The following UNC5D variants were observed in gnomAD, a reference collection of about 807,000 sequenced individuals.
The protein encoded by UNC5D is netrin receptor UNC5D.
UNC5D carries 39 observed loss-of-function variants against 105.4 expected under a neutral mutation model. The observed-to-expected ratio is 0.37, with a 90% CI of 0.29 to 0.48. UNC5D has a LOEUF of 0.48. Among genes scored for constraint, UNC5D ranks in the 20% least tolerant of loss-of-function variants. The probability of loss-of-function intolerance (pLI) is 0.98; values close to 1 mark genes in which losing one functional copy is unlikely to be tolerated. For synonymous variants in UNC5D, 452 were observed against 450.4 expected, an observed-to-expected ratio of 1.00 and a Z score of -0.04; for missense variants, 991 against 1,202.4, an observed-to-expected ratio of 0.82 and a Z score of 2.60.
Position 35,508,859 on chromosome 8 carries a change from T to A in UNC5D, c.104-40433T>A, listed in dbSNP as rs59261125. Among the ~76,000 whole-genome samples, 1,266 of 152,334 alleles carry A rather than the reference T, an allele frequency of 8.3e-3. 15 individuals are homozygous for A. Among genetic ancestry groups the A allele is most frequent in the African/African-American group, 0.028 (1,172 of 41,572 alleles). ...AGTCTAGAAATGAACTGGAGGTATTTGGCAGAATTCTAGCATCTTTAGAAA... is the reference window on the plus strand; with the variant it reads ...AGTCTAGAAATGAACTGGAGGTATTAGGCAGAATTCTAGCATCTTTAGAAA... On this transcript the variant is annotated intron_variant, in intron 1 of 16. Transcript: ENST00000404895.
intron 16 of UNC5D, among the ~76,000 whole-genome samples, chr8:35,789,585 G>A (rs541311294): frequency 1.3e-4 from 20 of 152,164 alleles, no homozygotes; most frequent in African/African-American, 2.2e-4. Context: ...GATGCATTGC[G>A]TTTGTGGAGC....
intron 1 of UNC5D, among the ~76,000 whole-genome samples, chr8:35,492,788 T>C (rs1029140664): frequency 6.6e-6 from 1 of 152,016 alleles, no homozygotes; most frequent in African/African-American, 2.4e-5. Context: ...AGTCTGTAAA[T>C]TGTTCTCTTA....
chr8:35,485,980 C>T (rs564866786), intron 1 of UNC5D, among the ~76,000 whole-genome samples: 111 of 152,206 alleles, frequency 7.3e-4, no homozygotes, highest in African/African-American at 2.3e-3. Flanking sequence ...CTGCAGCTTG[C>T]GGATCACATG....
chr8:35,628,363 A>C (rs964904778), intron 4 of UNC5D, among the ~76,000 whole-genome samples: 2 of 151,794 alleles, frequency 1.3e-5, no homozygotes, highest in Non-Finnish European at 2.9e-5. Flanking sequence ...TGAATTCCTT[A>C]CCTCAGGTGA....
At chr8:35,743,517 A>AT (rs1829863021) in intron 11 of UNC5D, among the ~76,000 whole-genome samples, 1 of 151,548 alleles carries the variant, frequency 6.6e-6, no homozygotes, top group Admixed American at 6.6e-5. Context: ...ACCTCGAGTG[A>AT]TCCCCCCCAC....
At chr8:35,684,442 G>A in intron 5 of UNC5D, 140 bp from the exon 6 acceptor site, 1 of 903,750 alleles carries the variant, frequency 1.1e-6, no homozygotes. Flanking sequence ...GTCTCATAAT[G>A]GAGCAGCCAG....
rs751967469 is a variant in UNC5D, at chr8:35,626,193, C to CT, written c.570+30551dup. Among the ~76,000 whole-genome samples the CT allele has an allele frequency of 7.5e-3, 1,032 of 137,170 alleles. 9 individuals are homozygous for CT. The highest frequency in any genetic ancestry group is 0.022 in the African/African-American group (822 of 37,408). The allele number at this position is 137,170 out of a possible 152,430, so 90.0% of individuals were successfully genotyped here. On this transcript the variant is annotated intron_variant, in intron 4 of 16. Coordinates refer to ENST00000404895, the MANE Select transcript of UNC5D (RefSeq NM_080872.4). ...ATTTCTCTCCCTGGGGCCACTCAGA[C>CT]TTTTTTTTTTTTTTTAAAGGTAAGG...
intron 1 of UNC5D, among the ~76,000 whole-genome samples, chr8:35,412,691 T>A (rs1805252365): frequency 6.6e-6 from 1 of 152,122 alleles, no homozygotes; most frequent in Non-Finnish European, 1.5e-5. Context: ...AGGAAGTTCT[T>A]ACCATGAGAT....
intron 1 of UNC5D, among the ~76,000 whole-genome samples, chr8:35,236,164 A>T (rs117394765): frequency 6.6e-6 from 1 of 151,950 alleles, no homozygotes; most frequent in South Asian, 2.1e-4. Context: ...GCCCTCCCCA[A>T]TTGCTGCAGA....
intron 9 of UNC5D, 127 bp from the exon 10 acceptor site, chr8:35,726,025 A>AAG: frequency 7.7e-7 from 1 of 1,305,428 alleles, no homozygotes; most frequent in Non-Finnish European, 1.0e-6. Flanking sequence ...GGTGGTCCTG[A>AAG]AGAGCTAGCT....
At chr8:35,725,199 A>ATTGT (rs1341559716) in intron 9 of UNC5D, among the ~76,000 whole-genome samples, 1 of 152,170 alleles carries the variant, frequency 6.6e-6, no homozygotes, top group African/African-American at 2.4e-5. Context: ...CCAAAGGAAA[A>ATTGT]TTGTTTAATA....
At chr8:35,353,795 G>A (rs1270283275) in intron 1 of UNC5D, among the ~76,000 whole-genome samples, 1 of 152,046 alleles carries the variant, frequency 6.6e-6, no homozygotes, top group Non-Finnish European at 1.5e-5. Context: ...TAGAAAAGGG[G>A]ACAGTTACAC....
intron 1 of UNC5D, among the ~76,000 whole-genome samples, chr8:35,275,998 TAGA>T (rs1805750448): frequency 6.6e-6 from 1 of 152,232 alleles, no homozygotes. Flanking sequence ...TGGGTAGAGA[TAGA>T]AGATTTCCTT....
chr8:35,595,344 T>A (rs904692284), intron 3 of UNC5D, among the ~76,000 whole-genome samples: 2 of 152,172 alleles, frequency 1.3e-5, no homozygotes, highest in African/African-American at 4.8e-5. Flanking sequence ...ATATAGGACA[T>A]CAGAAACTGT....
intron 1 of UNC5D, among the ~76,000 whole-genome samples, chr8:35,473,905 G>C (rs1281925441): frequency 6.6e-6 from 1 of 152,078 alleles, no homozygotes. Flanking sequence ...TCTGGTGAGG[G>C]CCTTTTTTGC....
intron 1 of UNC5D, among the ~76,000 whole-genome samples, chr8:35,377,538 C>T (rs531145238): frequency 6.6e-6 from 1 of 152,174 alleles, no homozygotes; most frequent in South Asian, 2.1e-4. Context: ...AGCATGTTGA[C>T]CTCAGCTTCC....
At chr8:35,258,870 C>T (rs1038697968) in intron 1 of UNC5D, among the ~76,000 whole-genome samples, 5 of 152,044 alleles carry the variant, frequency 3.3e-5, no homozygotes, top group African/African-American at 1.2e-4. Context: ...GGAGTTTACC[C>T]AGAGGAAGTG....
chr8:35,533,429 G>A (rs62505517), intron 1 of UNC5D, among the ~76,000 whole-genome samples: 2,666 of 152,144 alleles, frequency 0.018, 35 homozygotes, highest in Non-Finnish European at 0.026. Flanking sequence ...TGCGTGCTGG[G>A]AGAACCACTG....
intron 2 of UNC5D, among the ~76,000 whole-genome samples, chr8:35,554,834 A>T (rs1328569890): frequency 1.3e-5 from 2 of 152,176 alleles, no homozygotes; most frequent in African/African-American, 4.8e-5. Context: ...ACTCTAGTAA[A>T]CTAATATTTT....
Sources: allele counts gnomAD v4.1 joint callset (sites outside exome capture counted in the v4.1 genomes callset), GRCh38; gene constraint gnomAD v4.1.1; transcripts MANE v1.5; gene names NCBI Gene and HGNC (gene_info 2026-07-23, HGNC 2026-07-21).